The following LHFPL1 variants were observed in gnomAD, a reference collection of about 807,000 sequenced individuals.
LHFPL1 encodes LHFPL tetraspan subfamily member 1, also known as LHFPL tetraspan subfamily member 1 protein.
In LHFPL1, 4 loss-of-function variants were observed where a neutral mutation model predicts 12.1. The observed-to-expected ratio is 0.33, with a 90% CI of 0.16 to 0.76. The LOEUF is 0.76. Ranked by LOEUF, LHFPL1 falls within the 30% of genes least tolerant of loss-of-function variation. The pLI, the probability that LHFPL1 is intolerant of heterozygous loss-of-function variation, is 0.61. For missense variants in LHFPL1, 141 were observed against 174.1 expected, an observed-to-expected ratio of 0.81 and a Z score of 1.07; for synonymous variants, 52 against 61.9, an observed-to-expected ratio of 0.84 and a Z score of 0.75.
At chrX:112,639,038 C>G (rs1930426123) in intron 3 of LHFPL1, among the ~76,000 whole-genome samples, 1 of 112,261 alleles carries the variant, frequency 8.9e-6, no homozygotes, top group Non-Finnish European at 1.9e-5. Context: ...AACATAAAAA[C>G]ATTTTTAATG....
chrX:112,643,378 CA>C (rs1164744066), intron 3 of LHFPL1, among the ~76,000 whole-genome samples: 560 of 38,906 alleles, frequency 0.014, 1 homozygote, highest in Non-Finnish European at 0.022. Context: ...GACTCCGTCT[CA>C]AAAAAAAAAA....
chrX:112,653,688 G>A (rs1394391098), intron 3 of LHFPL1, among the ~76,000 whole-genome samples: 1 of 111,828 alleles, frequency 8.9e-6, no homozygotes, highest in Non-Finnish European at 1.9e-5. Flanking sequence ...AGTTGGAGAT[G>A]AGCTGCTAGA....
chrX:112,673,731 G>A (rs754336138), intron 1 of LHFPL1, among the ~76,000 whole-genome samples: 11 of 111,690 alleles, frequency 9.8e-5, no homozygotes, highest in Admixed American at 1.9e-4. Flanking sequence ...GTGATTCAAC[G>A]GCAAAGCCAT....
intron 2 of LHFPL1, among the ~76,000 whole-genome samples, chrX:112,668,057 A>G (rs1023705638): frequency 5.4e-5 from 6 of 111,257 alleles, no homozygotes; most frequent in Non-Finnish European, 7.5e-5. Context: ...TACTCCCCCA[A>G]TGTATTTCGG....
chrX:112,656,682 G>A (rs1473039604), intron 3 of LHFPL1, among the ~76,000 whole-genome samples: 1 of 112,381 alleles, frequency 8.9e-6, no homozygotes, highest in African/African-American at 3.2e-5. Flanking sequence ...CAGGATACAA[G>A]GCCAACATGC....
Position 112,639,234 on chromosome X carries a change from C to A in LHFPL1, c.482-7633G>T, listed in dbSNP as rs139087999. 6.5e-3 allele frequency among the ~76,000 whole-genome samples: 675 copies of A among 104,493 alleles called. 7 individuals are homozygous for A. Among genetic ancestry groups the A allele is most frequent in the African/African-American group, 0.022 (623 of 28,418 alleles). The allele number at this position is 104,493 out of a possible 115,157, so 90.7% of individuals were successfully genotyped here. On this transcript the variant is annotated intron_variant, in intron 3 of 3. Transcript: ENST00000371968. ...AACATCTCTCTTCTCACTCTCCAAG[C>A]TGGGCGTGAGTGTCAACAGCAGCCC...
chrX:112,635,267 T>G (rs1194586321), intron 3 of LHFPL1, among the ~76,000 whole-genome samples: 1 of 112,723 alleles, frequency 8.9e-6, no homozygotes, highest in Non-Finnish European at 1.9e-5. Context: ...CTAGGCATTT[T>G]TAATACACAA....
chrX:112,645,767 A>C (rs1274072016), intron 3 of LHFPL1, among the ~76,000 whole-genome samples: 5 of 112,118 alleles, frequency 4.5e-5, no homozygotes, highest in African/African-American at 1.6e-4. Flanking sequence ...AGTTCAATTA[A>C]CAAGCAGCAA....
chrX:112,660,072 A>G (rs1386074538), intron 3 of LHFPL1, among the ~76,000 whole-genome samples: 3 of 112,332 alleles, frequency 2.7e-5, no homozygotes, highest in African/African-American at 9.7e-5. Flanking sequence ...CTAATATATT[A>G]TCAACTCACA....
intron 3 of LHFPL1, chrX:112,648,850 C>G (rs911155311): frequency 2.7e-5 from 3 of 111,488 alleles, no homozygotes; most frequent in Non-Finnish European, 5.7e-5. Context: ...TTTTATCTTG[C>G]AATCACAACC....
At chrX:112,639,857 G>A (rs1478035830) in intron 3 of LHFPL1, among the ~76,000 whole-genome samples, 1 of 112,154 alleles carries the variant, frequency 8.9e-6, no homozygotes, top group Non-Finnish European at 1.9e-5. Flanking sequence ...TATACAGCCT[G>A]TCAGCTACAC....
chrX:112,649,873 T>C (rs1423106141), intron 3 of LHFPL1, among the ~76,000 whole-genome samples: 1 of 111,589 alleles, frequency 9.0e-6, no homozygotes, highest in Non-Finnish European at 1.9e-5. Flanking sequence ...TGAATCCTTT[T>C]ATTCTCATTG....
intron 3 of LHFPL1, among the ~76,000 whole-genome samples, chrX:112,656,389 TAA>T (rs59288248): frequency 9.4e-6 from 1 of 106,380 alleles, no homozygotes; most frequent in African/African-American, 3.4e-5. Flanking sequence ...CTCCATCTAT[TAA>T]AAAAAAAACA....
At chrX:112,634,649 G>A (rs763845106) in intron 3 of LHFPL1, among the ~76,000 whole-genome samples, 2 of 111,833 alleles carry the variant, frequency 1.8e-5, no homozygotes, top group Non-Finnish European at 3.8e-5. Flanking sequence ...TAGGCAGGAA[G>A]AAAACTGACA....
chrX:112,654,936 T>TA (rs1268243312), intron 3 of LHFPL1, among the ~76,000 whole-genome samples: 2 of 111,848 alleles, frequency 1.8e-5, no homozygotes, highest in African/African-American at 3.2e-5. Flanking sequence ...CATTCAGTGA[T>TA]ATTCAGTTAA....
Position 112,671,397 on chromosome X carries a change from AG to A in LHFPL1, c.-8del, listed in dbSNP as rs1401047539. 7 of 1,211,826 alleles carry A rather than the reference AG, an allele frequency of 5.8e-6. No individual in the cohort carries two copies. The highest frequency in any genetic ancestry group is 7.8e-6 in the Non-Finnish European group (7 of 895,561). ...TGGTCAGGCTGCTCCTCATGGTCAC[AG>A]GTTTCTCTGCAGGGATGGGGAGATG... On this transcript the variant is annotated 5_prime_UTR_variant, in exon 2 of 4. Transcript: ENST00000371968.
In LHFPL1 at chrX:112,631,488, A is replaced by G. The variant is rs372731782; in HGVS notation, c.595T>C (p.Leu199=). The G allele has an allele frequency of 1.3e-5, 16 of 1,208,555 alleles. No homozygotes were observed. In the African/African-American group the frequency reaches 1.8e-4, roughly 13 times the overall value. ...GTATTCCTCATGATGCTCTCCACCAATATGACAGGCTTGGGGTTTCTTCCA... is the reference window on the plus strand; with the variant it reads ...GTATTCCTCATGATGCTCTCCACCAGTATGACAGGCTTGGGGTTTCTTCCA... The part of the protein sequence containing the change: ...FAGRNPKPVI[L]VESIMRNTNS... Residue 199 remains leucine (L), a synonymous_variant, in exon 4 of 4, where the codon TTG becomes CTG. Transcript: ENST00000371968.
chrX:112,633,554 C>A (rs1267444686), intron 3 of LHFPL1, among the ~76,000 whole-genome samples: 1 of 112,073 alleles, frequency 8.9e-6, no homozygotes, highest in East Asian at 2.8e-4. Flanking sequence ...AAGTCAACTT[C>A]CCTCATCAGA....
chrX:112,638,144 G>C (rs1359109400), intron 3 of LHFPL1, among the ~76,000 whole-genome samples: 1 of 111,834 alleles, frequency 8.9e-6, no homozygotes, highest in Non-Finnish European at 1.9e-5. Context: ...TTCAGGTAAG[G>C]GGCAAAGAGA....
Sources: allele counts gnomAD v4.1 joint callset (sites outside exome capture counted in the v4.1 genomes callset), GRCh38; gene constraint gnomAD v4.1.1; transcripts MANE v1.5; gene names NCBI Gene and HGNC (gene_info 2026-07-23, HGNC 2026-07-21).